MCTP1: variants seen among roughly 807,000 people sequenced by gnomAD.
The protein encoded by MCTP1 is multiple C2 and transmembrane domain containing 1.
A neutral mutation model predicts 120.6 loss-of-function variants in MCTP1; 69 were observed. The ratio of observed to expected loss-of-function variants is 0.57; its 90% CI spans 0.47 to 0.70. The LOEUF (loss-of-function observed/expected upper bound fraction) is 0.70. Ranked by LOEUF, MCTP1 falls within the 30% of genes least tolerant of loss-of-function variation. The probability of loss-of-function intolerance (pLI) is 0.00; values close to 1 mark genes in which losing one functional copy is unlikely to be tolerated. For synonymous variants in MCTP1, 529 were observed against 493.1 expected (o/e 1.07, Z -0.96); for missense variants, 1,203 against 1,248.8 (o/e 0.96, Z 0.55).
At chr5:94,828,019 C>T (rs1787610220) in intron 17 of MCTP1, among the ~76,000 whole-genome samples, 1 of 151,970 alleles carries the variant, frequency 6.6e-6, no homozygotes, top group Non-Finnish European at 1.5e-5. Flanking sequence ...GAGTTGTGAT[C>T]CTTTGGAGGA....
chr5:94,928,922 T>C (rs1813834714), intron 6 of MCTP1, among the ~76,000 whole-genome samples: 1 of 152,148 alleles, frequency 6.6e-6, no homozygotes. Context: ...TTGATTTCAA[T>C]AGTTAAATAC....
At chr5:95,036,875 TC>T (rs1162879100) in intron 1 of MCTP1, among the ~76,000 whole-genome samples, 1 of 152,088 alleles carries the variant, frequency 6.6e-6, no homozygotes, top group Non-Finnish European at 1.5e-5. Context: ...CTTCCCATAT[TC>T]AAGGTTACCC....
At chr5:95,269,286 A>T (rs1429106765) in intron 1 of MCTP1, among the ~76,000 whole-genome samples, 8 of 152,230 alleles carry the variant, frequency 5.3e-5, no homozygotes, top group Non-Finnish European at 8.8e-5. Flanking sequence ...CCCCAAATGG[A>T]CATCTTTACA....
intron 1 of MCTP1, among the ~76,000 whole-genome samples, chr5:95,264,547 C>T (rs746886110): frequency 6.6e-5 from 10 of 152,178 alleles, no homozygotes; most frequent in African/African-American, 1.7e-4. Flanking sequence ...AAACCCCACG[C>T]GGGCACTGGA....
At chr5:94,849,608 C>T (rs926509239) in intron 17 of MCTP1, among the ~76,000 whole-genome samples, 1 of 151,760 alleles carries the variant, frequency 6.6e-6, no homozygotes, top group Admixed American at 6.6e-5. Flanking sequence ...GGTACACGGT[C>T]GATGGGGTTA....
At chr5:94,905,083 T>G (rs1216537405) in intron 10 of MCTP1, among the ~76,000 whole-genome samples, 1 of 152,022 alleles carries the variant, frequency 6.6e-6, no homozygotes, top group Non-Finnish European at 1.5e-5. Context: ...TGATGAGACA[T>G]TGGTGCACAG....
intron 2 of MCTP1, among the ~76,000 whole-genome samples, chr5:94,955,315 G>T (rs1212678726): frequency 6.6e-6 from 1 of 152,160 alleles, no homozygotes; most frequent in African/African-American, 2.4e-5. Flanking sequence ...CAAGGCCTCT[G>T]GTTTCAAGCA....
In MCTP1 at chr5:95,024,668, C is replaced by CAT. The variant is rs1334578294; in HGVS notation, c.721-7185_721-7184insAT. Among the ~76,000 whole-genome samples the CAT allele has an allele frequency of 2.4e-3, 364 of 151,792 alleles. 2 individuals are homozygous for CAT. The highest frequency in any genetic ancestry group is 8.2e-3 in the African/African-American group (341 of 41,424). On this transcript the variant is annotated intron_variant, in intron 1 of 22. Transcript: ENST00000515393. ...TCAAATACACACACACACACACACA[C>CAT]ACACACACACCCCTAAATGCCATCC...
chr5:95,012,694 C>T (rs1311454325), intron 2 of MCTP1, among the ~76,000 whole-genome samples: 1 of 152,128 alleles, frequency 6.6e-6, no homozygotes, highest in Non-Finnish European at 1.5e-5. Flanking sequence ...GCCCCATGAA[C>T]TGTGCTCACA....
intron 1 of MCTP1, among the ~76,000 whole-genome samples, chr5:95,045,328 G>A (rs543136549): frequency 6.6e-6 from 1 of 152,120 alleles, no homozygotes; most frequent in Admixed American, 6.6e-5. Flanking sequence ...CCTTATCACA[G>A]TTTGGAAATA....
At chr5:94,931,613 G>A (rs560163983) in intron 6 of MCTP1, 23 of 220,672 alleles carry the variant, frequency 1.0e-4, no homozygotes, top group Middle Eastern at 1.5e-3. Flanking sequence ...TAAATTGTGC[G>A]AATCTTTCTT....
At chr5:94,898,447 G>T (rs867300348) in intron 10 of MCTP1, among the ~76,000 whole-genome samples, 2 of 152,182 alleles carry the variant, frequency 1.3e-5, no homozygotes, top group Non-Finnish European at 2.9e-5. Flanking sequence ...AAAAGCATTT[G>T]CTACCCCCTC....
Position 94,888,865 on chromosome 5 carries a change from G to C in MCTP1, c.1933+14C>G. 6.4e-7 allele frequency: 1 copy of C among 1,558,188 alleles called. No homozygotes were observed. The highest frequency in any genetic ancestry group is 8.9e-7 in the Non-Finnish European group (1 of 1,129,336). ...GCTTGATCTGAGCAATAGGAGAATT[G>C]CATCATCTCTTACCAGTGACGTCGG... On this transcript the variant is annotated intron_variant, in intron 12 of 22. Coordinates refer to ENST00000515393, the MANE Select transcript of MCTP1 (RefSeq NM_024717.7).
At chr5:94,799,625 T>A (rs1235683075) in intron 17 of MCTP1, among the ~76,000 whole-genome samples, 2 of 151,984 alleles carry the variant, frequency 1.3e-5, no homozygotes, top group East Asian at 1.9e-4. Flanking sequence ...CCCAAAGATT[T>A]CACAATATGA....
At chr5:95,164,688 T>C (rs1380475524) in intron 1 of MCTP1, among the ~76,000 whole-genome samples, 1 of 152,218 alleles carries the variant, frequency 6.6e-6, no homozygotes, top group African/African-American at 2.4e-5. Flanking sequence ...TTAAAAATTA[T>C]TTGCTATTCA....
At chr5:95,071,938 C>T (rs1315669527) in intron 1 of MCTP1, among the ~76,000 whole-genome samples, 1 of 152,114 alleles carries the variant, frequency 6.6e-6, no homozygotes, top group Non-Finnish European at 1.5e-5. Context: ...GAAATATATA[C>T]ATGTAAAAGT....
At chr5:94,853,997 G>A (rs796276408) in intron 17 of MCTP1, among the ~76,000 whole-genome samples, 5 of 151,896 alleles carry the variant, frequency 3.3e-5, no homozygotes, top group African/African-American at 7.2e-5. Flanking sequence ...AGATAGTGGA[G>A]GTAATATCAG....
At chr5:94,996,869 A>G (rs1832723848) in intron 2 of MCTP1, among the ~76,000 whole-genome samples, 2 of 152,318 alleles carry the variant, frequency 1.3e-5, no homozygotes, top group Middle Eastern at 3.4e-3. Flanking sequence ...ACCATGGTCA[A>G]TTATTTAAAA....
At chr5:95,005,885 A>G (rs1013090194) in intron 2 of MCTP1, among the ~76,000 whole-genome samples, 2 of 152,122 alleles carry the variant, frequency 1.3e-5, no homozygotes, top group Non-Finnish European at 2.9e-5. Context: ...TATTTGCCCA[A>G]TTATTCCAGT....
Sources: allele counts gnomAD v4.1 joint callset (sites outside exome capture counted in the v4.1 genomes callset), GRCh38; gene constraint gnomAD v4.1.1; transcripts MANE v1.5; gene names NCBI Gene and HGNC (gene_info 2026-07-23, HGNC 2026-07-21).